The following CNTN5 variants were observed in gnomAD, a reference collection of about 807,000 sequenced individuals.
CNTN5 encodes contactin-5.
Under a neutral mutation model 129.1 loss-of-function variants are expected in CNTN5, and 77 were observed. The observed-to-expected ratio is 0.60, with a 90% CI of 0.50 to 0.72. The LOEUF (loss-of-function observed/expected upper bound fraction) is 0.72, where lower values mean the gene tolerates loss of function less well. CNTN5 is among the 30% of genes least tolerant of loss of function. CNTN5 has a pLI of 0.00. For missense variants in CNTN5, 1,478 were observed against 1,328.8 expected, an observed-to-expected ratio of 1.11 and a Z score of -1.75; for synonymous variants, 509 against 465.6, an observed-to-expected ratio of 1.09 and a Z score of -1.20.
intron 2 of CNTN5, among the ~76,000 whole-genome samples, chr11:99,342,733 AAAAGAAAGAAAG>A (rs370813586): frequency 6.6e-6 from 1 of 151,720 alleles, no homozygotes; most frequent in Non-Finnish European, 1.5e-5. Flanking sequence ...CTTATCTGAA[AAAAGAAAGAAAG>A]AAAGAAAGAA....
At chr11:99,097,692 C>G (rs1249026988) in intron 1 of CNTN5, among the ~76,000 whole-genome samples, 1 of 151,754 alleles carries the variant, frequency 6.6e-6, no homozygotes, top group Non-Finnish European at 1.5e-5. Flanking sequence ...ATTATTGATA[C>G]AATTAATTTG....
At chr11:100,305,553 T>C (rs1700065436) in intron 20 of CNTN5, among the ~76,000 whole-genome samples, 1 of 151,710 alleles carries the variant, frequency 6.6e-6, no homozygotes, top group South Asian at 2.1e-4. Flanking sequence ...CCACTGCCCC[T>C]GCATTTGTGA....
intron 13 of CNTN5, among the ~76,000 whole-genome samples, chr11:100,083,624 T>C (rs1049548374): frequency 3.0e-4 from 46 of 152,182 alleles, no homozygotes; most frequent in Non-Finnish European, 1.8e-4. Flanking sequence ...GTACTCACAC[T>C]CTGCCAAATA....
chr11:99,549,429 C>T (rs531235275), intron 2 of CNTN5, among the ~76,000 whole-genome samples: 3 of 152,114 alleles, frequency 2.0e-5, no homozygotes, highest in Admixed American at 2.0e-4. Flanking sequence ...TTTGGTCCCC[C>T]ACTTCCAAAG....
At chr11:99,517,040 A>G (rs1338120681) in intron 2 of CNTN5, among the ~76,000 whole-genome samples, 2 of 152,100 alleles carry the variant, frequency 1.3e-5, no homozygotes, top group African/African-American at 2.4e-5. Flanking sequence ...ATCTGTTTGA[A>G]TTCCTGCTAT....
At chr11:99,259,271 A>C (rs2135817959) in intron 1 of CNTN5, among the ~76,000 whole-genome samples, 1 of 151,952 alleles carries the variant, frequency 6.6e-6, no homozygotes, top group South Asian at 2.1e-4. Flanking sequence ...CCATGTAAAT[A>C]ATCTAGTATT....
chr11:99,108,249 C>T (rs553561174), intron 1 of CNTN5, among the ~76,000 whole-genome samples: 6 of 152,142 alleles, frequency 3.9e-5, no homozygotes, highest in African/African-American at 1.4e-4. Context: ...CACTTTAATG[C>T]TAAAGACAAA....
At chr11:99,770,837 C>G (rs901918776) in intron 3 of CNTN5, among the ~76,000 whole-genome samples, 2 of 151,980 alleles carry the variant, frequency 1.3e-5, no homozygotes, top group African/African-American at 4.8e-5. Flanking sequence ...ATAAAATATT[C>G]TAAATAGCCA....
At chr11:99,698,859 G>C (rs1954388993) in intron 3 of CNTN5, among the ~76,000 whole-genome samples, 1 of 150,078 alleles carries the variant, frequency 6.7e-6, no homozygotes, top group Non-Finnish European at 1.5e-5. Context: ...TTTCTATTAG[G>C]TACTGATTAA....
rs866407523 is a variant in CNTN5 at position 99,090,230 on chromosome 11, T to G, written c.-210+68960T>G. Among the ~76,000 whole-genome samples the G allele has an allele frequency of 9.5e-4, 144 of 152,116 alleles. 1 individual carries two copies. The highest frequency in any genetic ancestry group is 3.4e-3 in the African/African-American group (141 of 41,462). ...TCATTGACATCAAGAACCACTTATGTTTTTTAATGCGAATTTTTTTCTTTT... is the reference window on the plus strand; with the variant it reads ...TCATTGACATCAAGAACCACTTATGGTTTTTAATGCGAATTTTTTTCTTTT... On this transcript the variant is annotated intron_variant, in intron 1 of 24. Transcript: ENST00000524871.
chr11:99,599,661 A>G, intron 3 of CNTN5, among the ~76,000 whole-genome samples: 1 of 152,136 alleles, frequency 6.6e-6, no homozygotes, highest in Non-Finnish European at 1.5e-5. Flanking sequence ...ATATGTTCAC[A>G]TCCAGACCAA....
intron 2 of CNTN5, among the ~76,000 whole-genome samples, chr11:99,445,490 T>C (rs1348587100): frequency 2.0e-5 from 3 of 152,206 alleles, no homozygotes; most frequent in Non-Finnish European, 4.4e-5. Flanking sequence ...ATATTGTTTG[T>C]AGCAAACATT....
In CNTN5 at chr11:100,131,500, G is replaced by T. The variant is rs183458683; in HGVS notation, c.1580+57206G>T. 1.4e-4 allele frequency among the ~76,000 whole-genome samples: 22 copies of T among 152,130 alleles called. No individual in the cohort carries two copies. In the East Asian group the frequency reaches 4.1e-3, roughly 28 times the overall value. On this transcript the variant is annotated intron_variant, in intron 13 of 24. Transcript: ENST00000524871. ...GAGGTATTTGTGAGTTATCCAAATG[G>T]CTATGTTTGGGGGGAAACTGACACA... is the stretch of plus-strand genomic sequence containing the variant.
intron 2 of CNTN5, among the ~76,000 whole-genome samples, chr11:99,464,087 C>G (rs1274684356): frequency 1.3e-5 from 2 of 152,170 alleles, no homozygotes; most frequent in Non-Finnish European, 2.9e-5. Flanking sequence ...TTATAGCAGA[C>G]AGATGCAGCT....
At chr11:99,203,237 C>T (rs961607631) in intron 1 of CNTN5, among the ~76,000 whole-genome samples, 7 of 152,128 alleles carry the variant, frequency 4.6e-5, no homozygotes, top group Non-Finnish European at 1.0e-4. Context: ...ACCGTGCCTG[C>T]TTATGCAATC....
intron 6 of CNTN5, among the ~76,000 whole-genome samples, chr11:99,906,971 T>G (rs971666186): frequency 6.6e-6 from 1 of 152,152 alleles, no homozygotes; most frequent in African/African-American, 2.4e-5. Flanking sequence ...AGTGGTGATA[T>G]CCACTTTGCC....
intron 3 of CNTN5, among the ~76,000 whole-genome samples, chr11:99,714,576 T>C (rs1955140487): frequency 6.6e-6 from 1 of 151,964 alleles, no homozygotes; most frequent in African/African-American, 2.4e-5. Flanking sequence ...TTTTTTAACA[T>C]GCATTATCTT....
intron 3 of CNTN5, among the ~76,000 whole-genome samples, chr11:99,812,373 G>A (rs1193710962): frequency 6.6e-6 from 1 of 152,010 alleles, no homozygotes; most frequent in East Asian, 1.9e-4. Context: ...TTGTGACCCA[G>A]TCAAAGCTGG....
At chr11:100,065,049 G>A (rs960254887) in intron 10 of CNTN5, among the ~76,000 whole-genome samples, 1 of 152,058 alleles carries the variant, frequency 6.6e-6, no homozygotes, top group Non-Finnish European at 1.5e-5. Flanking sequence ...CCTCTAGACA[G>A]TTTATATTTA....
Sources: allele counts gnomAD v4.1 joint callset (sites outside exome capture counted in the v4.1 genomes callset), GRCh38; gene constraint gnomAD v4.1.1; transcripts MANE v1.5; gene names NCBI Gene and HGNC (gene_info 2026-07-23, HGNC 2026-07-21).